RMDN2: variants seen among roughly 807,000 people sequenced by gnomAD.
RMDN2 encodes regulator of microtubule dynamics 2.
Under a neutral mutation model 52.8 loss-of-function variants are expected in RMDN2, and 61 were observed. The ratio of observed to expected loss-of-function variants is 1.16; its 90% confidence interval spans 0.94 to 1.43. The LOEUF is 1.43. RMDN2 is among the 40% of genes most tolerant of loss of function. The probability of loss-of-function intolerance (pLI) is 0.00; values close to 1 mark genes in which losing one functional copy is unlikely to be tolerated. For synonymous variants in RMDN2, 180 were observed against 153.1 expected (o/e 1.18, Z -1.30); for missense variants, 592 against 475.3 (o/e 1.25, Z -2.28).
Position 38,041,461 on chromosome 2 carries a change from C to T in RMDN2, c.1714-25521C>T, listed in dbSNP as rs149794693. 3.9e-3 allele frequency among the ~76,000 whole-genome samples: 447 copies of T among 115,768 alleles called. 1 individual carries two copies. The highest frequency in any genetic ancestry group is 0.014 in the African/African-American group (424 of 29,396). 75.9% of individuals were successfully genotyped at this position (115,768 alleles called of 152,430 possible). A position where few individuals can be genotyped will look rare whatever the true frequency, so the allele number is the denominator to read the frequency against. ...TTTTTTTTGGACGTTTTGTACTAAG[C>T]AGGACTTCCAATATGATGTTGAATA... On this transcript the variant is annotated intron_variant, in intron 10 of 10. Transcript: ENST00000234195.
chr2:37,976,436 A>G (rs1672474638), intron 4 of RMDN2: 1 of 152,248 alleles, frequency 6.6e-6, no homozygotes, highest in Non-Finnish European at 1.5e-5. Flanking sequence ...AAAAGATAGC[A>G]AGAGGAAGAC....
chr2:37,998,081 G>T (rs1675815607), intron 8 of RMDN2: 1 of 152,356 alleles, frequency 6.6e-6, no homozygotes, highest in Non-Finnish European at 1.5e-5. Context: ...ATATGTGTGT[G>T]TGAGCTCACA....
chr2:38,052,845 G>C (rs1460961902), intron 10 of RMDN2, among the ~76,000 whole-genome samples: 2 of 152,094 alleles, frequency 1.3e-5, no homozygotes, highest in East Asian at 1.9e-4. Flanking sequence ...TTGACATGAG[G>C]GGGTGGGCAA....
At chr2:38,060,799 A>G (rs1400495018) in intron 10 of RMDN2, among the ~76,000 whole-genome samples, 3 of 146,186 alleles carry the variant, frequency 2.1e-5, no homozygotes, top group Non-Finnish European at 4.5e-5. Flanking sequence ...AAAGTTAGAG[A>G]CAGCCAGGAA....
intron 10 of RMDN2, among the ~76,000 whole-genome samples, chr2:38,059,157 G>A (rs1045778534): frequency 1.3e-5 from 2 of 152,176 alleles, no homozygotes; most frequent in African/African-American, 4.8e-5. Flanking sequence ...TCCCCATGTG[G>A]CTTCCAAGCA....
chr2:37,981,966 G>C (rs1272098173), intron 5 of RMDN2, among the ~76,000 whole-genome samples: 4 of 151,846 alleles, frequency 2.6e-5, no homozygotes, highest in African/African-American at 7.3e-5. Flanking sequence ...TCTTGTAGTT[G>C]CATTTTTACA....
At chr2:37,971,625 C>G (rs1354989155) in intron 2 of RMDN2, among the ~76,000 whole-genome samples, 1 of 152,154 alleles carries the variant, frequency 6.6e-6, no homozygotes, top group Non-Finnish European at 1.5e-5. Flanking sequence ...GAATTTCCTA[C>G]TGATCTTACA....
At chr2:37,965,605 T>C (rs920119531) in intron 2 of RMDN2, among the ~76,000 whole-genome samples, 5 of 152,208 alleles carry the variant, frequency 3.3e-5, no homozygotes, top group Non-Finnish European at 7.4e-5. Context: ...TAATTACTTT[T>C]TACTTTTCTC....
chr2:37,931,734 T>C (rs1666761442), intron 2 of RMDN2, among the ~76,000 whole-genome samples: 1 of 152,240 alleles, frequency 6.6e-6, no homozygotes, highest in Admixed American at 6.5e-5. Flanking sequence ...AGATGTTTTA[T>C]GTGGGTTCAA....
At chr2:37,999,197 A>G (rs1675978561) in intron 8 of RMDN2, among the ~76,000 whole-genome samples, 1 of 152,162 alleles carries the variant, frequency 6.6e-6, no homozygotes, top group Non-Finnish European at 1.5e-5. Context: ...AAAGAATGCA[A>G]ATTTCGGAAC....
chr2:38,024,213 A>G lies in RMDN2; in HGVS notation c.1713+19997A>G, dbSNP rs56770748. On this transcript the variant is annotated intron_variant, in intron 10 of 10. Transcript: ENST00000234195. ...ATTGATAGACATTTGGCCTGTTTCC[A>G]GTATTTGATTATAACAAACAAATCA... Among the ~76,000 whole-genome samples, 367 of 152,298 alleles carry G rather than the reference A, an allele frequency of 2.4e-3. 2 individuals are homozygous for G. The highest frequency in any genetic ancestry group is 8.2e-3 in the African/African-American group (339 of 41,560).
chr2:37,974,484 A>AT (rs527529161), intron 3 of RMDN2, among the ~76,000 whole-genome samples: 1,693 of 146,320 alleles, frequency 0.012, 32 homozygotes, highest in African/African-American at 0.038. Context: ...CTTTTATTTG[A>AT]TTTTTTTTTT....
intron 2 of RMDN2, among the ~76,000 whole-genome samples, chr2:37,933,579 G>A (rs1055889106): frequency 2.6e-5 from 4 of 152,252 alleles, no homozygotes; most frequent in East Asian, 1.9e-4. Flanking sequence ...AGACCAGCCC[G>A]GCCAACACAG....
At chr2:37,934,092 A>G (rs1380381835) in intron 2 of RMDN2, among the ~76,000 whole-genome samples, 3 of 152,200 alleles carry the variant, frequency 2.0e-5, no homozygotes, top group African/African-American at 7.2e-5. Flanking sequence ...CATGTTCCAT[A>G]TGTAACATTT....
intron 10 of RMDN2, among the ~76,000 whole-genome samples, chr2:38,040,220 GA>G (rs946380492): frequency 2.0e-5 from 3 of 151,912 alleles, no homozygotes; most frequent in Non-Finnish European, 4.4e-5. Flanking sequence ...CTCTTCCATT[GA>G]TTTCTGTGTC....
chr2:38,004,160 CA>C lies in RMDN2; in HGVS notation c.1124del (p.Gln375ArgfsTer4), dbSNP rs1558538329. ...GTGTTATACTGATCTTGAGGAAAACCAGAATGCTTTGAAGTTCTGTAATTTG... is the reference window on the plus strand; with the variant it reads ...GTGTTATACTGATCTTGAGGAAAACCGAATGCTTTGAAGTTCTGTAATTTG... ...AKCYTDLEEN[Q>X]NALKFCNLAL... is the part of the protein sequence containing the mutation. On this transcript the variant is annotated frameshift_variant, in exon 10 of 11. Transcript: ENST00000354545. LOFTEE classifies it high-confidence loss of function. The C allele has an allele frequency of 6.2e-7, 1 of 1,613,678 alleles. No individual in the cohort carries two copies. The highest frequency in any genetic ancestry group is 2.2e-5 in the East Asian group (1 of 44,790).
At chr2:37,923,511 G>T (rs938493584), upstream of RMDN2, 1 of 152,214 alleles carries the variant, frequency 6.6e-6, no homozygotes, top group Non-Finnish European at 1.5e-5. Flanking sequence ...CTCCTTTTAA[G>T]TATTAGCGAA....
In RMDN2 at chr2:37,974,831, AATTTACAG is replaced by A. The variant is rs145524258; in HGVS notation, c.628-378_628-371del. On this transcript the variant is annotated intron_variant, in intron 3 of 10. Transcript: ENST00000354545. ...TGCTCTTTTGAGTATATGCATTTTC[AATTTACAG>A]ATATTAACTGAGATGCTCATTATAT... 2.0e-3 allele frequency: 380 copies of A among 190,022 alleles called. 3 individuals are homozygous for A. The highest frequency in any genetic ancestry group is 7.8e-3 in the African/African-American group (326 of 41,866). The allele number at this position is 190,022 out of a possible 1,614,324, so 11.8% of individuals were successfully genotyped here.
intron 10 of RMDN2, among the ~76,000 whole-genome samples, chr2:38,007,200 C>A (rs899386576): frequency 6.6e-6 from 1 of 152,176 alleles, no homozygotes; most frequent in Non-Finnish European, 1.5e-5. Context: ...GCTTTGGTAT[C>A]AGGATGATGC....
Sources: allele counts gnomAD v4.1 joint callset (sites outside exome capture counted in the v4.1 genomes callset), GRCh38; gene constraint gnomAD v4.1.1; transcripts MANE v1.5; gene names NCBI Gene and HGNC (gene_info 2026-07-23, HGNC 2026-07-21).